Variants in GPC6 observed in about 807,000 individuals in gnomAD.
GPC6 encodes glypican-6.
In GPC6, 14 loss-of-function variants were observed where a neutral mutation model predicts 55.2. The observed-to-expected ratio is 0.25, with a 90% confidence interval of 0.17 to 0.40. The LOEUF (loss-of-function observed/expected upper bound fraction) is 0.40. Among genes scored for constraint, GPC6 ranks in the 10% least tolerant of loss-of-function variants. GPC6 has a pLI of 1.00. For missense variants in GPC6, 641 were observed against 708.5 expected (o/e 0.90, Z 1.08); for synonymous variants, 278 against 259.6 (o/e 1.07, Z -0.68).
At chr13:93,700,164 T>G (rs539792023) in intron 2 of GPC6, among the ~76,000 whole-genome samples, 36 of 152,214 alleles carry the variant, frequency 2.4e-4, no homozygotes, top group Non-Finnish European at 4.1e-4. Flanking sequence ...AAGACATGCC[T>G]TTTCTCTGTA....
At position 94,407,425 on chromosome 13, in the gene GPC6, T is replaced by C. The variant is rs897160470; in HGVS notation, c.*4208T>C. On this transcript the variant is annotated 3_prime_UTR_variant, in exon 9 of 9. Coordinates refer to ENST00000377047, the MANE Select transcript of GPC6 (RefSeq NM_005708.5). Reference sequence around the variant, plus strand: ...TACCAGTGCCCTTTCTGCATTTTCTTAATTATTGTCATAGTCTAAATTTCA... The same window carrying C: ...TACCAGTGCCCTTTCTGCATTTTCTCAATTATTGTCATAGTCTAAATTTCA... 1.3e-5 allele frequency: 2 copies of C among 152,196 alleles called. No individual in the cohort carries two copies. The highest frequency in any genetic ancestry group is 4.8e-5 in the African/African-American group (2 of 41,466). 9.4% of individuals were successfully genotyped at this position (152,196 alleles called of 1,614,324 possible). A position where few individuals can be genotyped will look rare whatever the true frequency, so the allele number is the denominator to read the frequency against.
chr13:94,282,293 G>A (rs1246700887), intron 4 of GPC6, among the ~76,000 whole-genome samples: 1 of 152,156 alleles, frequency 6.6e-6, no homozygotes, highest in Non-Finnish European at 1.5e-5. Flanking sequence ...AATCATGGCA[G>A]AAGGGGAAGC....
intron 6 of GPC6, among the ~76,000 whole-genome samples, chr13:94,339,522 A>C (rs73551866): frequency 0.038 from 5,797 of 152,250 alleles, 191 homozygotes; most frequent in African/African-American, 0.083. Flanking sequence ...AATAAGTTGA[A>C]TGTGAATATT....
chr13:94,395,305 G>T (rs1213832644), intron 7 of GPC6, among the ~76,000 whole-genome samples: 1 of 152,166 alleles, frequency 6.6e-6, no homozygotes, highest in Non-Finnish European at 1.5e-5. Flanking sequence ...ATGCTTTATG[G>T]CAAAAGAAAG....
chr13:93,560,497 G>A (rs1292534571), intron 2 of GPC6, among the ~76,000 whole-genome samples: 2 of 152,006 alleles, frequency 1.3e-5, no homozygotes, highest in African/African-American at 4.8e-5. Context: ...TGTAGCCTGG[G>A]CAACAGAGTG....
At chr13:94,025,600 A>C (rs1366102437) in intron 3 of GPC6, 1 of 152,066 alleles carries the variant, frequency 6.6e-6, no homozygotes, top group Non-Finnish European at 1.5e-5. Context: ...GCCTTGGACA[A>C]ATTTGGCTCT....
At chr13:93,825,860 C>CTTT (rs1029574657) in intron 2 of GPC6, among the ~76,000 whole-genome samples, 63 of 124,180 alleles carry the variant, frequency 5.1e-4, no homozygotes, top group African/African-American at 1.3e-3. Flanking sequence ...TTATTATTTT[C>CTTT]TTTTTTTTTT....
intron 6 of GPC6, among the ~76,000 whole-genome samples, chr13:94,319,794 T>G (rs1017816402): frequency 1.3e-5 from 2 of 152,226 alleles, no homozygotes. Context: ...TCTTTCAAGC[T>G]GCTTTTAGGG....
intron 2 of GPC6, among the ~76,000 whole-genome samples, chr13:93,809,608 G>A (rs1886637662): frequency 6.6e-6 from 1 of 152,128 alleles, no homozygotes; most frequent in Non-Finnish European, 1.5e-5. Flanking sequence ...GCACATATGT[G>A]CCCACTACCA....
rs543440677 is a variant in GPC6 at position 94,330,453 on chromosome 13, A to C, written c.1152+24330A>C. Among the ~76,000 whole-genome samples the C allele has an allele frequency of 2.0e-5, 3 of 152,348 alleles. No individual in the cohort carries two copies. The South Asian group carries it at 6.2e-4, about 32-fold the overall frequency. On this transcript the variant is annotated intron_variant, in intron 6 of 8. Transcript: ENST00000377047. ...GATCTGTTTGGCTTGGGACTGACCC[A>C]GCATCTGTATTTGGAAAGCTTCCTA...
At chr13:93,739,336 A>T (rs1165164532) in intron 2 of GPC6, among the ~76,000 whole-genome samples, 1 of 151,974 alleles carries the variant, frequency 6.6e-6, no homozygotes, top group Non-Finnish European at 1.5e-5. Context: ...AAAGGGAGTC[A>T]TTTTTCCTGT....
chr13:93,397,452 C>T (rs1054358614), intron 1 of GPC6, among the ~76,000 whole-genome samples: 3 of 152,080 alleles, frequency 2.0e-5, no homozygotes, highest in Admixed American at 6.6e-5. Context: ...GGATATCTTT[C>T]TTGAAGAAAT....
intron 4 of GPC6, among the ~76,000 whole-genome samples, chr13:94,091,539 G>A (rs2138812201): frequency 1.3e-5 from 2 of 152,160 alleles, no homozygotes; most frequent in Middle Eastern, 3.4e-3. Context: ...AGATATCTGT[G>A]GAGTTCTGCA....
intron 2 of GPC6, among the ~76,000 whole-genome samples, chr13:93,634,871 A>G (rs1879628115): frequency 6.6e-6 from 1 of 152,162 alleles, no homozygotes; most frequent in African/African-American, 2.4e-5. Flanking sequence ...TTTATAGTAA[A>G]AGAAAGGTGA....
chr13:94,339,751 C>CTTTTTTTTTTTTTT lies in GPC6; in HGVS notation c.1152+33644_1152+33657dup, dbSNP rs56074677. On this transcript the variant is annotated intron_variant, in intron 6 of 8. Transcript: ENST00000377047. ...TTAAGTCTGCAACCTGCATACTTTC[C>CTTTTTTTTTTTTTT]TTTTTTTTTTTTTTTTTTTTTTTTT... 3.4e-4 allele frequency among the ~76,000 whole-genome samples: 22 copies of CTTTTTTTTTTTTTT among 63,812 alleles called. 4 individuals are homozygous for CTTTTTTTTTTTTTT. Among genetic ancestry groups the CTTTTTTTTTTTTTT allele is most frequent in the East Asian group, 2.6e-3 (6 of 2,310 alleles). The allele number at this position is 63,812 out of a possible 152,430, so 41.9% of individuals were successfully genotyped here. A position where few individuals can be genotyped will look rare whatever the true frequency, so the allele number is the denominator to read the frequency against.
rs948004291 is a variant in GPC6 at position 94,299,531 on chromosome 13, T to C, written c.1009-6449T>C. ...TAATTAAGACATCTGGGTGAAGCCC[T>C]CATGGGCTGGATTAGTAGTGCCCCT... On this transcript the variant is annotated intron_variant, in intron 5 of 8. Coordinates refer to ENST00000377047, the MANE Select transcript of GPC6 (RefSeq NM_005708.5). 3.5e-4 allele frequency among the ~76,000 whole-genome samples: 53 copies of C among 152,196 alleles called. 2 individuals carry two copies.
chr13:93,941,434 A>G (rs1267709592), intron 3 of GPC6, among the ~76,000 whole-genome samples: 4 of 152,230 alleles, frequency 2.6e-5, no homozygotes, highest in African/African-American at 4.8e-5. Context: ...ATATAAATTC[A>G]TCAGAGGATG....
intron 3 of GPC6, among the ~76,000 whole-genome samples, chr13:93,859,983 TG>T (rs1234329102): frequency 2.0e-5 from 3 of 151,718 alleles, no homozygotes; most frequent in African/African-American, 7.3e-5. Context: ...CACATCTGGC[TG>T]TATTTTATTT....
intron 3 of GPC6, among the ~76,000 whole-genome samples, chr13:93,915,591 T>A (rs551980058): frequency 6.6e-6 from 1 of 152,248 alleles, no homozygotes; most frequent in African/African-American, 2.4e-5. Flanking sequence ...CTGGAAAAAA[T>A]TCTCTGTGAC....
Sources: allele counts gnomAD v4.1 joint callset (sites outside exome capture counted in the v4.1 genomes callset), GRCh38; gene constraint gnomAD v4.1.1; transcripts MANE v1.5; gene names NCBI Gene and HGNC (gene_info 2026-07-23, HGNC 2026-07-21).